TASOR2: variants seen among roughly 807,000 people sequenced by gnomAD.
TASOR2 encodes protein TASOR 2.
TASOR2 carries 84 observed loss-of-function variants against 199.5 expected under a neutral mutation model. That is an observed-to-expected ratio of 0.42 (90% CI 0.35 to 0.50). TASOR2 has a LOEUF of 0.50. TASOR2 is among the 20% of genes least tolerant of loss of function. TASOR2 has a pLI of 0.02. For missense variants in TASOR2, 2,796 were observed against 2,835.9 expected (o/e 0.99, Z 0.32); for synonymous variants, 1,103 against 1,046.6 (o/e 1.05, Z -1.04).
At chr10:5,743,967 A>G (rs1278761076) in intron 14 of TASOR2, 2 of 152,242 alleles carry the variant, frequency 1.3e-5, no homozygotes, top group Non-Finnish European at 2.9e-5. Context: ...GGATTCTAGC[A>G]TGATAGGCAC....
chr10:5,730,977 T>C lies in TASOR2; in HGVS notation c.978T>C (p.Ser326=), dbSNP rs1564312156. The C allele has an allele frequency of 1.9e-6, 3 of 1,613,962 alleles. No homozygotes were observed. Among genetic ancestry groups the C allele is most frequent in the Non-Finnish European group, 8.5e-7 (1 of 1,180,022 alleles). Residue 326 remains serine, a synonymous_variant, in exon 11 of 21, where the codon TCT becomes TCC. Transcript: ENST00000328090. The surrounding 1 kb of genome is among the most constrained non-coding windows in gnomAD (Gnocchi z 4.1). ...AAGAAACTGAAACAAAAAAGGATTC[T>C]GAAGAAATGTTGAAAGCAAAGAAGA...
intron 1 of TASOR2, among the ~76,000 whole-genome samples, chr10:5,691,926 T>C (rs1346429481): frequency 1.3e-5 from 2 of 152,218 alleles, no homozygotes; most frequent in African/African-American, 4.8e-5. Flanking sequence ...GCCTGTAATC[T>C]GAGCATTTAG....
exon 15 of TASOR2, chr10:5,749,602 A>T: frequency 4.3e-6 from 7 of 1,614,170 alleles, no homozygotes; most frequent in Non-Finnish European, 5.9e-6. Context: ...CTACACAGCC[A>T]GCAGTCTGGA....
Position 5,710,346 on chromosome 10 carries a change from A to G in TASOR2, c.-287-2477A>G, listed in dbSNP as rs1372977801. ...AACCATAAAATCACTGCTTTTATGC[A>G]TATACTGCTATATATTGAAGAATAC... On this transcript the variant is annotated intron_variant, in intron 1 of 20. Transcript: ENST00000328090. The surrounding 1 kb of genome is among the most constrained non-coding windows in gnomAD (Gnocchi z 4.6). 6.6e-6 allele frequency among the ~76,000 whole-genome samples: 1 copy of G among 152,032 alleles called. No individual in the cohort carries two copies. Among genetic ancestry groups the G allele is most frequent in the Non-Finnish European group, 1.5e-5 (1 of 67,984 alleles).
chr10:5,726,858 C>T (rs1265449259), intron 8 of TASOR2, 27 bp from the exon 10 acceptor site: 1 of 1,586,648 alleles, frequency 6.3e-7, no homozygotes, highest in East Asian at 2.2e-5. Context: ...AATATTCCTT[C>T]AGTTGAATTT....
At chr10:5,715,007 A>C (rs1249956889) in intron 2 of TASOR2, among the ~76,000 whole-genome samples, 1 of 152,170 alleles carries the variant, frequency 6.6e-6, no homozygotes. Flanking sequence ...CTTTTGGGTC[A>C]TTAATGGGAC....
intron 17 of TASOR2, 35 bp downstream of exon 18, chr10:5,757,708 G>T: frequency 1.2e-6 from 2 of 1,608,152 alleles, no homozygotes; most frequent in Middle Eastern, 3.3e-4. Context: ...TTTCTTTGAA[G>T]TCAGATCAAC....
chr10:5,757,658 G>A (rs1254614620), exon 17 of TASOR2: 3 of 1,612,922 alleles, frequency 1.9e-6, no homozygotes, highest in South Asian at 1.1e-5. Context: ...CAAGATACTA[G>A]AAGCTGTAAC....
chr10:5,746,786 A>G, exon 15 of TASOR2: 1 of 1,614,208 alleles, frequency 6.2e-7, no homozygotes, highest in Non-Finnish European at 8.5e-7. Flanking sequence ...AAGGGCACTA[A>G]GTACCTTTGT....
chr10:5,696,262 A>C (rs1440954194), intron 1 of TASOR2, among the ~76,000 whole-genome samples: 1 of 152,236 alleles, frequency 6.6e-6, no homozygotes, highest in Non-Finnish European at 1.5e-5. Flanking sequence ...TGAACTATGG[A>C]AATTCACCCG....
chr10:5,708,125 A>T (rs1377325834), intron 1 of TASOR2, among the ~76,000 whole-genome samples: 2 of 152,194 alleles, frequency 1.3e-5, no homozygotes, highest in African/African-American at 4.8e-5. Context: ...GAAAATCCTT[A>T]TTCCACAGAC....
intron 1 of TASOR2, among the ~76,000 whole-genome samples, chr10:5,696,505 T>A (rs1837174772): frequency 6.6e-6 from 1 of 152,150 alleles, no homozygotes; most frequent in Non-Finnish European, 1.5e-5. Context: ...TACAGGCGTA[T>A]GCCCCCACGT....
At chr10:5,718,568 C>T (rs560073528) in intron 3 of TASOR2, among the ~76,000 whole-genome samples, 26 of 151,696 alleles carry the variant, frequency 1.7e-4, no homozygotes, top group Non-Finnish European at 3.4e-4. Context: ...GCCAACATGG[C>T]GAAACCCTGT....
In TASOR2 at chr10:5,720,800, T is replaced by C. The variant is rs748222244; in HGVS notation, c.46+26T>C. 19 of 1,601,638 alleles carry C rather than the reference T, an allele frequency of 1.2e-5. No individual in the cohort carries two copies. The highest frequency in any genetic ancestry group is 1.5e-5 in the Non-Finnish European group (18 of 1,176,604). On this transcript the variant is annotated intron_variant, in intron 5 of 20. Transcript: ENST00000328090. This position sits in a 1 kb window ranked among gnomAD's most constrained non-coding sequence, Gnocchi z 5.3. Reference sequence around the variant, plus strand: ...GTAAGAAATAGTTCATTGATTCTTTTAGGTTTTTTTTTTCTTGAGTAAATG... The same window carrying C: ...GTAAGAAATAGTTCATTGATTCTTTCAGGTTTTTTTTTTCTTGAGTAAATG...
At chr10:5,724,527 G>A in exon 8 of TASOR2, 1 of 1,414,586 alleles carries the variant, frequency 7.1e-7, no homozygotes. Context: ...TTAAAAACAA[G>A]CAATTGGTAA....
rs1191782041 is a variant in TASOR2, at chr10:5,706,725, T to C, written c.-287-6098T>C. Among the ~76,000 whole-genome samples the C allele has an allele frequency of 6.6e-6, 1 of 152,166 alleles. No individual in the cohort carries two copies. Among genetic ancestry groups the C allele is most frequent in the Non-Finnish European group, 1.5e-5 (1 of 68,030 alleles). On this transcript the variant is annotated intron_variant, in intron 1 of 20. Coordinates refer to ENST00000328090, the Ensembl canonical transcript of TASOR2. The surrounding 1 kb of genome is among the most constrained non-coding windows in gnomAD (Gnocchi z 4.8). ...ACAGTTAAGTAGTGAAACCTAGGCC[T>C]AGCACGGTGGCTCATGCCTGTAATT...
chr10:5,724,888 C>T (rs1339243453), intron 8 of TASOR2, among the ~76,000 whole-genome samples: 1 of 151,770 alleles, frequency 6.6e-6, no homozygotes, highest in Non-Finnish European at 1.5e-5. Flanking sequence ...AAATTAGGCA[C>T]AGTAAGAGAT....
In TASOR2 at chr10:5,722,190, C is replaced by T. The variant is rs1179830879; in HGVS notation, c.146+1220C>T. On this transcript the variant is annotated intron_variant, in intron 6 of 20. Transcript: ENST00000328090. This position sits in a 1 kb window ranked among gnomAD's most constrained non-coding sequence, Gnocchi z 4.0. ...TTGCTAGGGGCCAGGCACAGTGGCT[C>T]CTGTCTGTAATGCTAGCACTTTGGG... Among the ~76,000 whole-genome samples the T allele has an allele frequency of 6.6e-6, 1 of 152,100 alleles. No individual in the cohort carries two copies.
intron 1 of TASOR2, among the ~76,000 whole-genome samples, chr10:5,702,801 A>G (rs191454829): frequency 2.9e-4 from 44 of 152,300 alleles, no homozygotes; most frequent in Admixed American, 2.5e-3. Flanking sequence ...AAAGGACTTA[A>G]ATCTATTGAA....
Sources: gnomAD v4.1 joint callset for allele counts (sites outside exome capture counted in the v4.1 genomes callset) on GRCh38, gnomAD v4.1.1 for gene constraint, Gnocchi (gnomAD v3.1) non-coding constraint, MANE v1.5 for transcripts, NCBI Gene and HGNC (gene_info 2026-07-23, HGNC 2026-07-21) for gene names.